MBNL1: variants seen among roughly 807,000 people sequenced by gnomAD.
MBNL1 encodes muscleblind like splicing regulator 1.
A neutral mutation model predicts 42.2 loss-of-function variants in MBNL1; 8 were observed. The observed-to-expected ratio is 0.19, with a 90% CI of 0.11 to 0.34. The LOEUF is 0.34. Among genes scored for constraint, MBNL1 ranks in the 10% least tolerant of loss-of-function variants. MBNL1 has a pLI of 1.00. For synonymous variants in MBNL1, 169 were observed against 173.9 expected (o/e 0.97, Z 0.22); for missense variants, 309 against 495.3 (o/e 0.62, Z 3.57).
intron 5 of MBNL1, 72 bp from the exon 6 acceptor site, chr3:152,447,548 C>T (rs2153865555): frequency 1.6e-6 from 2 of 1,273,256 alleles, no homozygotes; most frequent in South Asian, 1.5e-5. Flanking sequence ...CAATTTTAGC[C>T]TTCGACTGAT....
chr3:152,363,874 T>C (rs2096176712), intron 2 of MBNL1, among the ~76,000 whole-genome samples: 1 of 152,126 alleles, frequency 6.6e-6, no homozygotes, highest in African/African-American at 2.4e-5. Flanking sequence ...TGAAAAAATA[T>C]CAATTCCTGC....
chr3:152,263,322 C>T (rs1484662182), upstream of MBNL1: 2 of 152,152 alleles, frequency 1.3e-5, no homozygotes, highest in African/African-American at 4.8e-5. Flanking sequence ...GAACTGGAAA[C>T]ACTGCTGATA....
rs1192671618 is a variant in MBNL1, at chr3:152,432,978, TTTTG to T, written c.549+68_549+71del. On this transcript the variant is annotated intron_variant, in intron 4 of 9. Coordinates refer to ENST00000324210, the MANE Select transcript of MBNL1 (RefSeq NM_021038.5). ...ACATTCTAATTCTCAAAGTGTGGTTTTTTGTTTGTTTGTGTGTTTCCATGGCCAA... is the reference window on the plus strand; with the variant it reads ...ACATTCTAATTCTCAAAGTGTGGTTTTTTGTTTGTGTGTTTCCATGGCCAA... 9.2e-5 allele frequency: 140 copies of T among 1,514,820 alleles called. No homozygotes were observed. In the Admixed American group the frequency reaches 2.1e-3, roughly 23 times the overall value. The allele number at this position is 1,514,820 out of a possible 1,614,324, so 93.8% of individuals were successfully genotyped here. A position where few individuals can be genotyped will look rare whatever the true frequency, so the allele number is the denominator to read the frequency against.
chr3:152,384,998 G>A (rs1161370840), intron 2 of MBNL1, among the ~76,000 whole-genome samples: 8 of 151,980 alleles, frequency 5.3e-5, no homozygotes, highest in Non-Finnish European at 1.0e-4. Flanking sequence ...TAGCTATGGT[G>A]TAATTTTCAG....
At chr3:152,341,124 C>T (rs1048045069) in intron 2 of MBNL1, 2 of 480,590 alleles carry the variant, frequency 4.2e-6, no homozygotes, top group Non-Finnish European at 6.8e-6. Flanking sequence ...TTTTGAAGTG[C>T]ATTAAAATGG....
intron 1 of MBNL1, among the ~76,000 whole-genome samples, chr3:152,290,970 C>T (rs781506774): frequency 1.5e-4 from 23 of 152,128 alleles, no homozygotes; most frequent in Non-Finnish European, 3.2e-4. Flanking sequence ...CTCTTGAGCA[C>T]ATAACAGCAT....
chr3:152,369,758 T>C (rs984805397), intron 2 of MBNL1, among the ~76,000 whole-genome samples: 4 of 152,052 alleles, frequency 2.6e-5, no homozygotes, highest in Non-Finnish European at 5.9e-5. Flanking sequence ...TGTGTCCAGG[T>C]ATTTATCCAT....
chr3:152,359,472 ATTTGTCAGGT>A (rs1043079946), intron 2 of MBNL1, among the ~76,000 whole-genome samples: 50 of 152,150 alleles, frequency 3.3e-4, no homozygotes, highest in African/African-American at 1.1e-3. Flanking sequence ...GGAGACACTG[ATTTGTCAGGT>A]TTGCTGATTT....
At chr3:152,303,504 C>T (rs916835219) in intron 2 of MBNL1, among the ~76,000 whole-genome samples, 6 of 151,826 alleles carry the variant, frequency 4.0e-5, no homozygotes, top group Admixed American at 3.3e-4. Context: ...TTATTTTATG[C>T]CAAAGAGGAT....
intron 1 of MBNL1, chr3:152,299,012 A>G (rs1438674878): frequency 2.6e-5 from 4 of 152,606 alleles, no homozygotes; most frequent in African/African-American, 4.8e-5. Context: ...CAAAACCCAC[A>G]TGCTCGTCCT....
intron 2 of MBNL1, among the ~76,000 whole-genome samples, chr3:152,319,289 A>G (rs559800185): frequency 6.6e-6 from 1 of 152,148 alleles, no homozygotes; most frequent in Non-Finnish European, 1.5e-5. Flanking sequence ...TCCACATTGA[A>G]CTCTGCTGAT....
chr3:152,320,630 T>C (rs921098008), intron 2 of MBNL1, among the ~76,000 whole-genome samples: 4 of 152,034 alleles, frequency 2.6e-5, no homozygotes, highest in Non-Finnish European at 5.9e-5. Context: ...TTTCAAAGGT[T>C]GCATAGGGAG....
At chr3:152,371,327 G>A (rs1214327504) in intron 2 of MBNL1, among the ~76,000 whole-genome samples, 1 of 152,098 alleles carries the variant, frequency 6.6e-6, no homozygotes, top group Non-Finnish European at 1.5e-5. Flanking sequence ...GCCAGGCACC[G>A]TGGCTCATGT....
intron 5 of MBNL1, chr3:152,446,746 A>G: frequency 6.2e-7 from 1 of 1,613,798 alleles, no homozygotes; most frequent in East Asian, 2.2e-5. Context: ...CCTCGAGGCA[A>G]CCTTTGACCT....
At chr3:152,333,053 C>T (rs1258058216) in intron 2 of MBNL1, among the ~76,000 whole-genome samples, 2 of 152,128 alleles carry the variant, frequency 1.3e-5, no homozygotes, top group East Asian at 1.9e-4. Context: ...TGATCGCTGG[C>T]TTTCTGAAGC....
At chr3:152,442,461 CCA>C (rs2099157497) in intron 4 of MBNL1, among the ~76,000 whole-genome samples, 1 of 152,160 alleles carries the variant, frequency 6.6e-6, no homozygotes, top group African/African-American at 2.4e-5. Flanking sequence ...GAAAAATGAA[CCA>C]CAGTGTTGTT....
At chr3:152,379,093 A>G in intron 2 of MBNL1, among the ~76,000 whole-genome samples, 1 of 152,224 alleles carries the variant, frequency 6.6e-6, no homozygotes, top group Non-Finnish European at 1.5e-5. Context: ...GTCATCCTGC[A>G]TGTTTAACAT....
Position 152,296,122 on chromosome 3 carries a change from C to T in MBNL1, c.-789-3283C>T, listed in dbSNP as rs80014148. ...GAAAGGAAGAAGCAGAAAAACAGCACGGTAGATGACTCTTTAGATATTTGC... is the reference window on the plus strand; with the variant it reads ...GAAAGGAAGAAGCAGAAAAACAGCATGGTAGATGACTCTTTAGATATTTGC... On this transcript the variant is annotated intron_variant, in intron 1 of 9. Coordinates refer to ENST00000324210, the MANE Select transcript of MBNL1 (RefSeq NM_021038.5). Among the ~76,000 whole-genome samples the T allele has an allele frequency of 9.9e-3, 1,505 of 152,176 alleles. 29 individuals are homozygous for T. Among genetic ancestry groups the T allele is most frequent in the African/African-American group, 0.033 (1,383 of 41,504 alleles).
rs535142611 is a variant in MBNL1 at position 152,363,019 on chromosome 3, A to G, written c.175-51922A>G. 2.6e-4 allele frequency among the ~76,000 whole-genome samples: 40 copies of G among 152,284 alleles called. No homozygotes were observed. In the South Asian group the frequency reaches 7.7e-3, roughly 29 times the overall value. On this transcript the variant is annotated intron_variant, in intron 2 of 9. Transcript: ENST00000324210. ...TTAAAATTAAGATAGGCAGGAAACT[A>G]AGTCACAGAAATGGGTATCAAATAA...
Sources: allele counts gnomAD v4.1 joint callset (sites outside exome capture counted in the v4.1 genomes callset), GRCh38; gene constraint gnomAD v4.1.1; transcripts MANE v1.5; gene names NCBI Gene and HGNC (gene_info 2026-07-23, HGNC 2026-07-21).